DENND1C: variants seen among roughly 807,000 people sequenced by gnomAD.
DENND1C encodes the protein DENN domain containing 1C, also known as DENN domain-containing protein 1C.
Under a neutral mutation model 87.9 loss-of-function variants are expected in DENND1C, and 64 were observed. The ratio of observed to expected loss-of-function variants is 0.73; its 90% CI spans 0.60 to 0.90. The LOEUF (loss-of-function observed/expected upper bound fraction) is 0.90, where lower values mean the gene tolerates loss of function less well. Ranked by LOEUF, DENND1C falls within the 40% of genes least tolerant of loss-of-function variation. The pLI is 0.00. For missense variants in DENND1C, 980 were observed against 1,037.0 expected (o/e 0.95, Z 0.76); for synonymous variants, 384 against 424.4 (o/e 0.90, Z 1.17).
At chr19:6,476,149 C>A (rs1455287361) in intron 10 of DENND1C, 1 of 548,850 alleles carries the variant, frequency 1.8e-6, no homozygotes, top group Non-Finnish European at 3.2e-6. Flanking sequence ...GGACTCATAC[C>A]GTCCTGATCC....
chr19:6,475,915 G>A lies in DENND1C; in HGVS notation c.701C>T (p.Ser234Phe). The change falls in exon 11 of 23, where the codon TCC (serine) becomes TTC (phenylalanine). Residue 234 changes from serine to phenylalanine, a missense_variant. Transcript: ENST00000381480. ...LSTLTSCVHASCALLYPMRWE... is the reference protein window; with the variant it reads ...LSTLTSCVHAFCALLYPMRWE... The stretch of plus-strand genomic sequence containing the variant: ...GCGCATGGGGTACAGGAGCGCGCAG[G>A]ACGCGTGGACGCACGAGGTCAGCTG... The A allele has an allele frequency of 3.2e-6, 5 of 1,568,132 alleles. No homozygotes were observed. The highest frequency in any genetic ancestry group is 4.3e-6 in the Non-Finnish European group (5 of 1,165,640).
chr19:6,469,512 G>C (rs1230234431), intron 19 of DENND1C, 84 bp downstream of exon 19: 31 of 1,391,990 alleles, frequency 2.2e-5, no homozygotes, highest in Non-Finnish European at 2.9e-5. Flanking sequence ...TCAAACTCCT[G>C]GGCTCAAGCA....
intron 5 of DENND1C, 25 bp from the exon 6 acceptor site, chr19:6,478,877 A>G: frequency 6.2e-7 from 1 of 1,613,846 alleles, no homozygotes. Context: ...GACAGGTTCC[A>G]CGAAGTGTCC....
rs752229284 is a variant in DENND1C at position 6,478,998 on chromosome 19, TG to T, written c.234del (p.Asn79ThrfsTer33). The T allele has an allele frequency of 5.1e-5, 82 of 1,613,758 alleles. 1 individual carries two copies. The highest frequency in any genetic ancestry group is 1.2e-4 in the Admixed American group (7 of 59,988). ...HFTFALTDLAGNRRFGFCRLR... is the reference protein window; with the variant it reads ...HFTFALTDLAXNRRFGFCRLR... ...AGGCGGCAGAAACCAAATCTGCGGTTGCCGGCAAGGTCTGTGAGGGCGAAGG... is the reference window on the plus strand; with the variant it reads ...AGGCGGCAGAAACCAAATCTGCGGTTCCGGCAAGGTCTGTGAGGGCGAAGG... On this transcript the variant is annotated frameshift_variant, in exon 5 of 23. Coordinates refer to ENST00000381480, the MANE Select transcript of DENND1C (RefSeq NM_024898.4). LOFTEE classifies it high-confidence loss of function.
At position 6,468,088 on chromosome 19, in the gene DENND1C, T is replaced by C; in HGVS notation, c.1822A>G (p.Lys608Glu). 1.2e-6 allele frequency: 2 copies of C among 1,613,740 alleles called. No individual in the cohort carries two copies. Among genetic ancestry groups the C allele is most frequent in the Non-Finnish European group, 1.7e-6 (2 of 1,179,780 alleles). Residue 608 changes from lysine (K) to glutamate (E), a missense_variant, in exon 23 of 23, where the codon AAG (lysine) becomes GAG (glutamate). Transcript: ENST00000381480. The stretch of plus-strand genomic sequence containing the variant: ...TGGGGCTCCGGCTCTGGTAGTTTCT[T>C]ATCGTCTGGTTGCCATCTTGGTATG... ...PNIPRWQPDD[K>E]KLPEPEPQPL...
chr19:6,476,294 A>AG (rs2092860098), intron 10 of DENND1C: 1 of 249,652 alleles, frequency 4.0e-6, no homozygotes, highest in Non-Finnish European at 7.7e-6. Flanking sequence ...TCCCGCCCCT[A>AG]GGGGTGGATC....
chr19:6,479,507 T>C (rs2092885680), intron 4 of DENND1C, among the ~76,000 whole-genome samples, 162 bp downstream of exon 4: 1 of 151,358 alleles, frequency 6.6e-6, no homozygotes, highest in Admixed American at 6.6e-5. Context: ...TGCTAATGTA[T>C]ATAGGTCCCT....
At position 6,468,584 on chromosome 19, in the gene DENND1C, C is replaced by T. The variant is rs1038112394; in HGVS notation, c.1577G>A (p.Gly526Glu). The part of the protein sequence containing the change: ...QLEEGTSEPP[G>E]AGTPPLSPED... ...TGTTCCCTTTTTGCCTTACCCCGCC[C>T]CTGGGGGCTCGGAAGTTCCCTCTTC... Residue 526 changes from glycine (G) to glutamate (E), a missense_variant, in exon 21 of 23, where the codon GGG becomes GAG. Transcript: ENST00000381480. 7 of 1,533,392 alleles carry T rather than the reference C, an allele frequency of 4.6e-6. No homozygotes were observed. Among genetic ancestry groups the T allele is most frequent in the Non-Finnish European group, 6.1e-6 (7 of 1,141,824 alleles). 95.0% of individuals were successfully genotyped at this position (1,533,392 alleles called of 1,614,324 possible).
At chr19:6,480,264 AGT>A in intron 1 of DENND1C, 1 of 1,436,440 alleles carries the variant, frequency 7.0e-7, no homozygotes, top group Non-Finnish European at 9.1e-7. Context: ...GGAGTGAGAA[AGT>A]GTGACTGTGT....
In DENND1C at chr19:6,467,759, T is replaced by G; in HGVS notation, c.2151A>C (p.Gln717His). Residue 717 changes from glutamine to histidine, a missense_variant, in exon 23 of 23, where the codon CAA becomes CAC. By Grantham distance (24) the Gln-to-His change is conservative (BLOSUM62 0). Transcript: ENST00000381480. The part of the protein sequence containing the change: ...PTEPSPPESP[Q>H]ILAPTKPNFD... ...AGTTGGGCTTTGTGGGGGCCAGAATTTGGGGGCTTTCTGGAGGGCTGGGCT... is the reference window on the plus strand; with the variant it reads ...AGTTGGGCTTTGTGGGGGCCAGAATGTGGGGGCTTTCTGGAGGGCTGGGCT... 6.6e-7 allele frequency: 1 copy of G among 1,520,142 alleles called. No individual in the cohort carries two copies. Among genetic ancestry groups the G allele is most frequent in the Non-Finnish European group, 8.8e-7 (1 of 1,136,786 alleles). The allele number at this position is 1,520,142 out of a possible 1,614,324, so 94.2% of individuals were successfully genotyped here.
chr19:6,477,470 G>A lies in DENND1C; in HGVS notation c.367-12C>T, dbSNP rs1568400205. The A allele has an allele frequency of 6.2e-7, 1 of 1,611,548 alleles. No homozygotes were observed. Among genetic ancestry groups the A allele is most frequent in the Admixed American group, 1.7e-5 (1 of 59,822 alleles). ...TCTGCCTCGGTGACCTGGGTGGGAC[G>A]TGGAGGGGCGGGGGTGGCTGAGCCA... On this transcript the variant is annotated splice_polypyrimidine_tract_variant and intron_variant, in intron 6 of 22. Transcript: ENST00000381480.
intron 19 of DENND1C, chr19:6,469,334 G>A: frequency 2.0e-6 from 1 of 494,392 alleles, no homozygotes; most frequent in South Asian, 2.3e-5. Flanking sequence ...CCCAGCCACA[G>A]TCTTCTTTTT....
intron 15 of DENND1C, 35 bp downstream of exon 15, chr19:6,472,854 C>A: frequency 1.4e-6 from 2 of 1,447,630 alleles, no homozygotes; most frequent in South Asian, 1.5e-5. Flanking sequence ...CAGTCCACCT[C>A]CAGTCCCAGC....
At chr19:6,479,809 C>T (rs377446586) in intron 3 of DENND1C, 50 bp downstream of exon 3, 1 of 1,613,746 alleles carries the variant, frequency 6.2e-7, no homozygotes, top group Non-Finnish European at 8.5e-7. Flanking sequence ...GTCCCCTCCC[C>T]CTGGGAGACT....
At position 6,479,725 on chromosome 19, in the gene DENND1C, G is replaced by C; in HGVS notation, c.127-7C>G. 2 of 1,613,892 alleles carry C rather than the reference G, an allele frequency of 1.2e-6. No homozygotes were observed. Among genetic ancestry groups the C allele is most frequent in the South Asian group, 2.2e-5 (2 of 91,080 alleles). ...GCACCATCTGCATAGCTTCCTGGAG[G>C]TGAAGAAAAGCGCAGACTGCTTGGC... On this transcript the variant is annotated splice_polypyrimidine_tract_variant and splice_region_variant and intron_variant, in intron 3 of 22. Transcript: ENST00000381480.
At position 6,470,428 on chromosome 19, in the gene DENND1C, G is replaced by T. The variant is rs377449871; in HGVS notation, c.1291-62C>A. ...GCCAGATCCCACCTCCCCATCCCAG[G>T]TTGTGTGATGCCAATCAAGCCCCTT... On this transcript the variant is annotated intron_variant, in intron 17 of 22. Coordinates refer to ENST00000381480, the MANE Select transcript of DENND1C (RefSeq NM_024898.4). The T allele has an allele frequency of 4.7e-3, 7,066 of 1,511,602 alleles. 30 individuals carry two copies. Among genetic ancestry groups the T allele is most frequent in the Non-Finnish European group, 5.8e-3 (6,404 of 1,102,110 alleles). 93.6% of individuals were successfully genotyped at this position (1,511,602 alleles called of 1,614,324 possible). A position where few individuals can be genotyped will look rare whatever the true frequency, so the allele number is the denominator to read the frequency against.
chr19:6,468,324 A>AAG lies in DENND1C; in HGVS notation c.1699_1700dup (p.Ser568LeufsTer11). 1.2e-6 allele frequency: 2 copies of AAG among 1,613,800 alleles called. No homozygotes were observed. Among genetic ancestry groups the AAG allele is most frequent in the Non-Finnish European group, 1.7e-6 (2 of 1,179,824 alleles). Reference sequence around the variant, plus strand: ...TGCCTGCGCTCTTGGCTCCCATGCTAAGACTGTCCAGAATCTCGCTCAACA... The same window carrying AAG: ...TGCCTGCGCTCTTGGCTCCCATGCTAAGAGACTGTCCAGAATCTCGCTCAACA... On this transcript the variant is annotated frameshift_variant, in exon 22 of 23. Transcript: ENST00000381480. LOFTEE classifies it high-confidence loss of function.
In DENND1C at chr19:6,480,557, CCCACCTATCTATCTATCTATCTAT is replaced by C. The variant is rs752507351; in HGVS notation, c.18-530_18-507del. The stretch of plus-strand genomic sequence containing the variant: ...ACCCACCCACCTATCCATCCACCCA[CCCACCTATCTATCTATCTATCTAT>C]CTATCTATCTATCTATCTATCTATC... On this transcript the variant is annotated intron_variant, in intron 1 of 22. Transcript: ENST00000381480. The C allele has an allele frequency of 9.9e-3, 3,357 of 339,524 alleles. 224 individuals are homozygous for C. The highest frequency in any genetic ancestry group is 0.012 in the Non-Finnish European group (2,996 of 248,946). The allele number at this position is 339,524 out of a possible 1,614,324, so 21.0% of individuals were successfully genotyped here.
chr19:6,469,764 AC>A, intron 18 of DENND1C, 124 bp from the exon 19 acceptor site: 2 of 921,218 alleles, frequency 2.2e-6, no homozygotes, highest in Non-Finnish European at 3.4e-6. Context: ...TACGTTCACC[AC>A]CCCCCATACA....
Sources: allele counts gnomAD v4.1 joint callset (sites outside exome capture counted in the v4.1 genomes callset), GRCh38; gene constraint gnomAD v4.1.1; transcripts MANE v1.5; gene names NCBI Gene and HGNC (gene_info 2026-07-23, HGNC 2026-07-21).